Variants in TPTE2 observed in about 807,000 individuals in gnomAD.
The protein encoded by TPTE2 is phosphatidylinositol 3,4,5-trisphosphate 3-phosphatase TPTE2.
A neutral mutation model predicts 78.6 loss-of-function variants in TPTE2; 53 were observed. The observed-to-expected ratio is 0.67, with a 90% confidence interval of 0.54 to 0.85. The LOEUF is 0.85. Among genes scored for constraint, TPTE2 ranks in the 40% least tolerant of loss-of-function variants. TPTE2 has a pLI of 0.00. For missense variants in TPTE2, 461 were observed against 623.0 expected, an observed-to-expected ratio of 0.74 and a Z score of 2.77; for synonymous variants, 175 against 206.2, an observed-to-expected ratio of 0.85 and a Z score of 1.30.
chr13:19,423,537 G>T (rs189350237), intron 19 of TPTE2, among the ~76,000 whole-genome samples: 1 of 152,220 alleles, frequency 6.6e-6, no homozygotes, highest in East Asian at 1.9e-4. Context: ...GCAATTTTTT[G>T]AATTTTTACA....
chr13:19,531,885 C>A (rs1870899938), intron 1 of TPTE2, among the ~76,000 whole-genome samples: 1 of 152,114 alleles, frequency 6.6e-6, no homozygotes, highest in South Asian at 2.1e-4. Flanking sequence ...CAAGATCGCG[C>A]CACTGCACTC....
intron 1 of TPTE2, among the ~76,000 whole-genome samples, chr13:19,532,498 A>T (rs780132114): frequency 1.1e-4 from 16 of 152,200 alleles, no homozygotes; most frequent in Non-Finnish European, 2.2e-4. Flanking sequence ...CTCACCAGAT[A>T]AATGAACCTG....
chr13:19,438,856 C>G (rs565107523), intron 13 of TPTE2, among the ~76,000 whole-genome samples: 1 of 152,312 alleles, frequency 6.6e-6, no homozygotes, highest in East Asian at 1.9e-4. Context: ...CTCAGGACAG[C>G]ATTCGACTGA....
chr13:19,561,236 T>G, the TPTE2 span: 1 of 1,325,300 alleles, frequency 7.5e-7, no homozygotes, highest in South Asian at 1.4e-5. Context: ...AGTGGCTCAC[T>G]GCCCACCACC....
intron 1 of TPTE2, among the ~76,000 whole-genome samples, chr13:19,498,748 C>T (rs1275594994): frequency 1.3e-5 from 2 of 151,074 alleles, no homozygotes; most frequent in Non-Finnish European, 3.0e-5. Context: ...AACTAACGCG[C>T]AAAAAAACCA....
At chr13:19,555,374 A>T in the TPTE2 span, among the ~76,000 whole-genome samples, 1 of 152,236 alleles carries the variant, frequency 6.6e-6, no homozygotes, top group Non-Finnish European at 1.5e-5. Flanking sequence ...AACTCATTCA[A>T]TCGGTCAATT....
At chr13:19,506,419 C>T (rs1298590329), upstream of TPTE2, among the ~76,000 whole-genome samples, 5 of 151,764 alleles carry the variant, frequency 3.3e-5, no homozygotes, top group African/African-American at 4.8e-5. Flanking sequence ...GTGATCCGCC[C>T]GCCTTGGCCT....
chr13:19,486,980 G>A lies in TPTE2; in HGVS notation c.120-4433C>T, dbSNP rs1167979268. 6.6e-6 allele frequency among the ~76,000 whole-genome samples: 1 copy of A among 152,156 alleles called. No homozygotes were observed. On this transcript the variant is annotated intron_variant, in intron 3 of 19. Coordinates refer to ENST00000400230, the Ensembl canonical transcript of TPTE2. This position sits in a 1 kb window ranked among gnomAD's most constrained non-coding sequence, Gnocchi z 4.3. ...GGCATGTCTTCTGGAAGTAGCCCATGGAGCTCTTTCTTAGGTCCAGGACAT... is the reference window on the plus strand; with the variant it reads ...GGCATGTCTTCTGGAAGTAGCCCATAGAGCTCTTTCTTAGGTCCAGGACAT...
intron 6 of TPTE2, among the ~76,000 whole-genome samples, chr13:19,467,748 T>C (rs1411039902): frequency 6.6e-6 from 1 of 152,154 alleles, no homozygotes; most frequent in Non-Finnish European, 1.5e-5. Context: ...CTATGGTCAA[T>C]CTGTTGTGCT....
intron 1 of TPTE2, among the ~76,000 whole-genome samples, chr13:19,530,873 A>T (rs1870826901): frequency 6.6e-6 from 1 of 152,120 alleles, no homozygotes; most frequent in South Asian, 2.1e-4. Context: ...TACCATCTTA[A>T]CCATGTTTAA....
the TPTE2 span, among the ~76,000 whole-genome samples, chr13:19,550,774 T>C: frequency 1.3e-5 from 2 of 152,128 alleles, no homozygotes; most frequent in African/African-American, 4.8e-5. Flanking sequence ...ACTGTTCTTT[T>C]TCTTTCTTCC....
chr13:19,503,325 A>C (rs182148540), upstream of TPTE2: 487 of 1,603,876 alleles, frequency 3.0e-4, 1 homozygote, highest in African/African-American at 6.0e-3. Context: ...ACAATTCAAA[A>C]TTTACTTTTC....
chr13:19,425,786 C>T (rs370403897), intron 18 of TPTE2: 59 of 505,356 alleles, frequency 1.2e-4, no homozygotes, highest in African/African-American at 9.6e-4. Flanking sequence ...CACAGGTCTC[C>T]TGGATGGCTC....
chr13:19,427,301 T>C (rs1302443849), intron 17 of TPTE2, among the ~76,000 whole-genome samples: 1 of 151,618 alleles, frequency 6.6e-6, no homozygotes, highest in East Asian at 2.0e-4. Flanking sequence ...GCCAGAATGG[T>C]CTCGATCTCT....
chr13:19,513,131 C>CAA (rs1426274349), intron 1 of TPTE2, among the ~76,000 whole-genome samples: 2 of 152,128 alleles, frequency 1.3e-5, no homozygotes, highest in Admixed American at 1.3e-4. Context: ...GAGTATAACA[C>CAA]ACACAGCATC....
chr13:19,487,077 T>C (rs544264209), intron 3 of TPTE2, among the ~76,000 whole-genome samples: 1 of 152,172 alleles, frequency 6.6e-6, no homozygotes, highest in Non-Finnish European at 1.5e-5. Context: ...TTTCTCAGGC[T>C]CGTGCAAGGT....
chr13:19,465,079 A>T (rs1879178171), intron 9 of TPTE2, among the ~76,000 whole-genome samples, 176 bp downstream of exon 12: 1 of 152,246 alleles, frequency 6.6e-6, no homozygotes, highest in Non-Finnish European at 1.5e-5. Context: ...AATTGAGAAG[A>T]CATGCAGATC....
intron 1 of TPTE2, among the ~76,000 whole-genome samples, chr13:19,520,998 T>C (rs1171618430): frequency 2.0e-5 from 3 of 152,086 alleles, no homozygotes; most frequent in Admixed American, 6.5e-5. Context: ...TGAGAGTTGT[T>C]TTATTGCCTA....
Position 19,438,381 on chromosome 13 carries a change from C to G in TPTE2, c.974-228G>C, listed in dbSNP as rs749847165. On this transcript the variant is annotated intron_variant, in intron 13 of 19. Coordinates refer to ENST00000400230, the Ensembl canonical transcript of TPTE2. The stretch of plus-strand genomic sequence containing the variant: ...ACAGTAAAAATATCTCTCACCATCT[C>G]TCCACAAAAGGACACGATGAGGTTT... 13 of 985,372 alleles carry G rather than the reference C, an allele frequency of 1.3e-5. No homozygotes were observed. The Admixed American group carries it at 7.4e-4, about 56-fold the overall frequency. The allele number at this position is 985,372 out of a possible 1,614,324, so 61.0% of individuals were successfully genotyped here. A position where few individuals can be genotyped will look rare whatever the true frequency, so the allele number is the denominator to read the frequency against.
Sources: allele counts gnomAD v4.1 joint callset (sites outside exome capture counted in the v4.1 genomes callset), GRCh38; gene constraint gnomAD v4.1.1; non-coding constraint Gnocchi (gnomAD v3.1); transcripts MANE v1.5; gene names NCBI Gene and HGNC (gene_info 2026-07-23, HGNC 2026-07-21).